Variants in ADAMTS20 observed in about 807,000 individuals in gnomAD.
ADAMTS20 encodes ADAM metallopeptidase with thrombospondin type 1 motif 20.
ADAMTS20 carries 225 observed loss-of-function variants against 260.1 expected under a neutral mutation model. The ratio of observed to expected loss-of-function variants is 0.87; its 90% confidence interval spans 0.78 to 0.97. The LOEUF is 0.97. Ranked by LOEUF, ADAMTS20 falls within the 50% of genes least tolerant of loss-of-function variation. The pLI is 0.00. For missense variants in ADAMTS20, 2,400 were observed against 2,337.7 expected, an observed-to-expected ratio of 1.03 and a Z score of -0.55; for synonymous variants, 802 against 769.5, an observed-to-expected ratio of 1.04 and a Z score of -0.70.
intron 28 of ADAMTS20, among the ~76,000 whole-genome samples, chr12:43,417,865 C>G (rs1475092217): frequency 2.0e-5 from 3 of 152,180 alleles, no homozygotes; most frequent in Admixed American, 6.5e-5. Flanking sequence ...GACCATCACT[C>G]TGTCATCCAC....
At chr12:43,416,679 C>A (rs1463000586) in intron 28 of ADAMTS20, among the ~76,000 whole-genome samples, 1 of 152,046 alleles carries the variant, frequency 6.6e-6, no homozygotes, top group Non-Finnish European at 1.5e-5. Flanking sequence ...CGCCACCACG[C>A]CCGGCTAATT....
intron 4 of ADAMTS20, among the ~76,000 whole-genome samples, chr12:43,499,136 C>T (rs1942719200): frequency 6.6e-6 from 1 of 152,142 alleles, no homozygotes; most frequent in Non-Finnish European, 1.5e-5. Context: ...GACTTACCCT[C>T]CTTAATTTTT....
At chr12:43,360,257 T>G (rs1269554844) in intron 37 of ADAMTS20, among the ~76,000 whole-genome samples, 1 of 152,138 alleles carries the variant, frequency 6.6e-6, no homozygotes, top group Non-Finnish European at 1.5e-5. Context: ...AAGACCAGCC[T>G]GGCCAACAGG....
chr12:43,488,430 A>G (rs1470099308), intron 7 of ADAMTS20, among the ~76,000 whole-genome samples: 1 of 152,096 alleles, frequency 6.6e-6, no homozygotes, highest in Non-Finnish European at 1.5e-5. Context: ...TCTTTGATAG[A>G]ATTTCCACTG....
intron 29 of ADAMTS20, among the ~76,000 whole-genome samples, chr12:43,393,569 C>A (rs975037923): frequency 1.3e-5 from 2 of 151,964 alleles, no homozygotes; most frequent in Non-Finnish European, 2.9e-5. Context: ...ATGGGTTCAT[C>A]AAGGCTGACT....
chr12:43,498,666 T>C (rs1256198337), intron 4 of ADAMTS20, among the ~76,000 whole-genome samples: 1 of 152,226 alleles, frequency 6.6e-6, no homozygotes, highest in Non-Finnish European at 1.5e-5. Flanking sequence ...GACACTTATG[T>C]GCAAATAGCA....
Position 43,454,009 on chromosome 12 carries a change from C to T in ADAMTS20, c.1658G>A (p.Arg553His), listed in dbSNP as rs145221268. 688 of 1,613,700 alleles carry T rather than the reference C, an allele frequency of 4.3e-4. 1 individual carries two copies. Among genetic ancestry groups the T allele is most frequent in the Non-Finnish European group, 5.5e-4 (651 of 1,179,776 alleles). ...TGGTCCCCATTCACCATTTACAGGA[C>T]GTGTTTCCGTTTCTTTGTTTACACA... is the stretch of plus-strand genomic sequence containing the variant. Reference protein sequence around the residue: ...GLCVNKETETRPVNGEWGPWE... With the variant: ...GLCVNKETETHPVNGEWGPWE... Residue 553 changes from arginine to histidine, a missense_variant, in exon 12 of 39, where the codon CGT becomes CAT. Arg to His is a conservative substitution (Grantham distance 29). Transcript: ENST00000389420.
chr12:43,405,312 G>A (rs983599511), intron 28 of ADAMTS20, among the ~76,000 whole-genome samples: 2 of 147,214 alleles, frequency 1.4e-5, no homozygotes, highest in African/African-American at 2.5e-5. Context: ...CAGCTACTTG[G>A]GAGACTGAGG....
At position 43,405,563 on chromosome 12, in the gene ADAMTS20, A is replaced by C. The variant is rs1001509978; in HGVS notation, c.4285-6330T>G. The stretch of plus-strand genomic sequence containing the variant: ...TAAAAATTATGAAACTTAATTTTTC[A>C]GCTACCATAAATAACCTAACTAGAC... On this transcript the variant is annotated intron_variant, in intron 28 of 38. Transcript: ENST00000389420. Among the ~76,000 whole-genome samples, 24 of 151,930 alleles carry C rather than the reference A, an allele frequency of 1.6e-4. No homozygotes were observed. The East Asian group carries it at 4.4e-3, about 28-fold the overall frequency.
chr12:43,414,602 T>C (rs932918395), intron 28 of ADAMTS20, among the ~76,000 whole-genome samples: 3 of 151,990 alleles, frequency 2.0e-5, no homozygotes, highest in Admixed American at 6.6e-5. Flanking sequence ...AATTTAGCCA[T>C]CAGAGAAATG....
At chr12:43,434,107 G>T in intron 19 of ADAMTS20, 138 bp downstream of exon 19, 1 of 910,844 alleles carries the variant, frequency 1.1e-6, no homozygotes, top group South Asian at 1.9e-5. Flanking sequence ...CCATAAAATA[G>T]TGAGCCTGAA....
chr12:43,405,239 A>C (rs1269212032), intron 28 of ADAMTS20, among the ~76,000 whole-genome samples: 16 of 124,908 alleles, frequency 1.3e-4, no homozygotes, highest in East Asian at 1.2e-3. Context: ...CAAAAAAAAA[A>C]AAAAAAAAAA....
chr12:43,373,203 G>A (rs551019869), intron 36 of ADAMTS20, among the ~76,000 whole-genome samples: 1 of 152,222 alleles, frequency 6.6e-6, no homozygotes, highest in African/African-American at 2.4e-5. Flanking sequence ...AAAGAGAGGA[G>A]AAACTGTATA....
chr12:43,398,883 C>T (rs935558631), intron 29 of ADAMTS20, among the ~76,000 whole-genome samples, 183 bp downstream of exon 29: 3 of 152,036 alleles, frequency 2.0e-5, no homozygotes, highest in African/African-American at 7.2e-5. Context: ...TATTATTTAA[C>T]TATAAACTTA....
At chr12:43,437,006 A>G (rs1941568401) in intron 18 of ADAMTS20, among the ~76,000 whole-genome samples, 1 of 152,218 alleles carries the variant, frequency 6.6e-6, no homozygotes, top group African/African-American at 2.4e-5. Context: ...GCTTTCAATC[A>G]GACTTTTAGT....
chr12:43,485,094 CAAAAAAA>C (rs59409245), intron 7 of ADAMTS20, among the ~76,000 whole-genome samples: 3 of 118,750 alleles, frequency 2.5e-5, no homozygotes, highest in Non-Finnish European at 5.3e-5. Flanking sequence ...AGGACGTAGC[CAAAAAAA>C]AAAAAAAAAA....
At chr12:43,368,831 G>A (rs755270390) in intron 37 of ADAMTS20, among the ~76,000 whole-genome samples, 5 of 151,922 alleles carry the variant, frequency 3.3e-5, no homozygotes, top group Non-Finnish European at 7.4e-5. Context: ...TAGAAATAAA[G>A]GATAAAAGCG....
intron 3 of ADAMTS20, among the ~76,000 whole-genome samples, chr12:43,510,512 A>G (rs1942907765): frequency 1.3e-5 from 2 of 151,872 alleles, no homozygotes. Flanking sequence ...TTACCTTTCC[A>G]AATACCCTAC....
At chr12:43,430,566 T>A (rs1321545229) in intron 22 of ADAMTS20, 95 bp from the exon 23 acceptor site, 16 of 1,148,266 alleles carry the variant, frequency 1.4e-5, no homozygotes, top group Admixed American at 2.8e-5. Flanking sequence ...TAATATACTT[T>A]TAATAATCTT....
Sources: allele counts gnomAD v4.1 joint callset (sites outside exome capture counted in the v4.1 genomes callset), GRCh38; gene constraint gnomAD v4.1.1; transcripts MANE v1.5; gene names NCBI Gene and HGNC (gene_info 2026-07-23, HGNC 2026-07-21).